IFT43: variants seen among roughly 807,000 people sequenced by gnomAD.
IFT43 encodes the protein intraflagellar transport protein 43 homolog.
Under a neutral mutation model 32.3 loss-of-function variants are expected in IFT43, and 33 were observed. The ratio of observed to expected loss-of-function variants is 1.02; its 90% CI spans 0.77 to 1.37. The LOEUF (loss-of-function observed/expected upper bound fraction) is 1.37. Among genes scored for constraint, IFT43 ranks in the 40% most tolerant of loss-of-function variants. The probability of loss-of-function intolerance (pLI) is 0.00; values close to 1 mark genes in which losing one functional copy is unlikely to be tolerated. For synonymous variants in IFT43, 93 were observed against 98.2 expected, an observed-to-expected ratio of 0.95 and a Z score of 0.31; for missense variants, 274 against 265.9, an observed-to-expected ratio of 1.03 and a Z score of -0.21.
At chr14:76,009,288 C>G (rs1423995326) in intron 2 of IFT43, among the ~76,000 whole-genome samples, 1 of 152,220 alleles carries the variant, frequency 6.6e-6, no homozygotes, top group Non-Finnish European at 1.5e-5. Context: ...ATCTCTAAGC[C>G]TAGTTTCCTC....
chr14:76,055,563 C>T (rs577811207), intron 3 of IFT43, among the ~76,000 whole-genome samples: 1 of 152,148 alleles, frequency 6.6e-6, no homozygotes, highest in East Asian at 1.9e-4. Flanking sequence ...ATGGCTCACT[C>T]GTGGGTCATG....
intron 2 of IFT43, among the ~76,000 whole-genome samples, chr14:75,994,499 G>T (rs2035705211): frequency 6.6e-6 from 1 of 152,100 alleles, no homozygotes; most frequent in African/African-American, 2.4e-5. Context: ...ACTTTTTTAG[G>T]GTTGTTGTGA....
intron 2 of IFT43, among the ~76,000 whole-genome samples, chr14:76,001,101 A>G (rs904668549): frequency 1.3e-5 from 2 of 152,188 alleles, no homozygotes; most frequent in Non-Finnish European, 2.9e-5. Context: ...CTCCAAGTGC[A>G]AACACATTTT....
chr14:76,058,556 C>T lies in IFT43; in HGVS notation c.216-86C>T, dbSNP rs2037069267. The stretch of plus-strand genomic sequence containing the variant: ...CACTTGAGATATACTAATTTGCCTC[C>T]ACTTTTGAAACCTTCCTCAAGATAC... On this transcript the variant is annotated intron_variant, in intron 3 of 8. Coordinates refer to ENST00000314067, the MANE Select transcript of IFT43 (RefSeq NM_001102564.3). 1.9e-6 allele frequency: 3 copies of T among 1,548,160 alleles called. No individual in the cohort carries two copies. The Admixed American group carries it at 5.3e-5, about 27-fold the overall frequency.
chr14:76,080,394 G>A (rs1398606170), intron 5 of IFT43, among the ~76,000 whole-genome samples: 2 of 152,200 alleles, frequency 1.3e-5, no homozygotes, highest in Non-Finnish European at 2.9e-5. Flanking sequence ...GGACGAAGAG[G>A]GAAGCCTGTG....
chr14:76,018,700 T>G (rs999562144), intron 2 of IFT43, among the ~76,000 whole-genome samples: 3 of 152,140 alleles, frequency 2.0e-5, no homozygotes, highest in Non-Finnish European at 4.4e-5. Flanking sequence ...CTAATAATAT[T>G]TGCTTTTTAT....
intron 3 of IFT43, among the ~76,000 whole-genome samples, chr14:76,023,114 G>C (rs2036325533): frequency 1.3e-5 from 2 of 152,262 alleles, no homozygotes; most frequent in Admixed American, 1.3e-4. Context: ...ATAGTGTTCA[G>C]TGTGGGGCTG....
chr14:76,056,721 G>GGGGT (rs2037024479), intron 3 of IFT43, among the ~76,000 whole-genome samples: 1 of 152,162 alleles, frequency 6.6e-6, no homozygotes, highest in Middle Eastern at 3.2e-3. Flanking sequence ...GTGTCATTCG[G>GGGGT]ACAATGGGGG....
intron 3 of IFT43, among the ~76,000 whole-genome samples, chr14:76,041,057 C>T (rs1025031390): frequency 6.6e-6 from 1 of 152,236 alleles, no homozygotes; most frequent in Non-Finnish European, 1.5e-5. Context: ...CAAGCCTTAC[C>T]TCCCTGAGAG....
At chr14:76,019,914 TATG>T (rs965706005) in intron 2 of IFT43, among the ~76,000 whole-genome samples, 1 of 152,122 alleles carries the variant, frequency 6.6e-6, no homozygotes, top group African/African-American at 2.4e-5. Flanking sequence ...GGTTCTTTTT[TATG>T]ATGTTTATCT....
At chr14:76,029,226 C>T (rs1203650967) in intron 3 of IFT43, among the ~76,000 whole-genome samples, 1 of 152,174 alleles carries the variant, frequency 6.6e-6, no homozygotes, top group East Asian at 1.9e-4. Flanking sequence ...TGATGTTAAG[C>T]ATTTATTCAT....
At chr14:76,067,688 A>G (rs2037249335) in intron 5 of IFT43, among the ~76,000 whole-genome samples, 1 of 152,146 alleles carries the variant, frequency 6.6e-6, no homozygotes, top group African/African-American at 2.4e-5. Flanking sequence ...GCTTAACCAG[A>G]ATGTACTATA....
chr14:75,990,036 A>T (rs139438060), intron 2 of IFT43, among the ~76,000 whole-genome samples: 185 of 152,332 alleles, frequency 1.2e-3, no homozygotes, highest in African/African-American at 4.2e-3. Flanking sequence ...TTAAGATAAC[A>T]TCTGTGCTGG....
chr14:76,012,020 A>G (rs1484094845), intron 2 of IFT43, among the ~76,000 whole-genome samples: 1 of 152,230 alleles, frequency 6.6e-6, no homozygotes, highest in Non-Finnish European at 1.5e-5. Context: ...TCAGTAATGT[A>G]AGATTGAATG....
At chr14:76,071,206 C>T (rs2037315465) in intron 5 of IFT43, among the ~76,000 whole-genome samples, 1 of 152,062 alleles carries the variant, frequency 6.6e-6, no homozygotes, top group Non-Finnish European at 1.5e-5. Context: ...TGTCTCAGTG[C>T]TTTGTTAAAT....
intron 2 of IFT43, among the ~76,000 whole-genome samples, chr14:76,003,922 G>A (rs1020163667): frequency 2.6e-4 from 40 of 151,700 alleles, no homozygotes; most frequent in African/African-American, 6.5e-4. Context: ...GATTAGAGGC[G>A]CCCACCACCC....
chr14:76,080,285 G>A (rs1389248556), intron 5 of IFT43, among the ~76,000 whole-genome samples: 1 of 152,122 alleles, frequency 6.6e-6, no homozygotes, highest in Non-Finnish European at 1.5e-5. Flanking sequence ...CACCAGCGCC[G>A]CTCTGAGCAG....
intron 5 of IFT43, among the ~76,000 whole-genome samples, chr14:76,063,298 G>A (rs2037175482): frequency 2.6e-5 from 4 of 152,262 alleles, no homozygotes; most frequent in African/African-American, 9.6e-5. Flanking sequence ...CAAGGAGGTT[G>A]TGCTCAAGTC....
intron 5 of IFT43, among the ~76,000 whole-genome samples, chr14:76,078,279 T>A (rs1272395301): frequency 1.3e-5 from 2 of 152,270 alleles, no homozygotes; most frequent in African/African-American, 4.8e-5. Context: ...CATTTGAATT[T>A]ATTACTACCT....
Sources: allele counts gnomAD v4.1 joint callset (sites outside exome capture counted in the v4.1 genomes callset), GRCh38; gene constraint gnomAD v4.1.1; transcripts MANE v1.5; gene names NCBI Gene and HGNC (gene_info 2026-07-23, HGNC 2026-07-21).